CSMD1: variants seen among roughly 807,000 people sequenced by gnomAD.
CSMD1 encodes the protein CUB and Sushi multiple domains 1, also known as CUB and sushi domain-containing protein 1.
In CSMD1, 213 loss-of-function variants were observed where a neutral mutation model predicts 417.5. The observed-to-expected ratio is 0.51, with a 90% confidence interval of 0.46 to 0.57. The LOEUF (loss-of-function observed/expected upper bound fraction) is 0.57, where lower values mean the gene tolerates loss of function less well. CSMD1 is among the 20% of genes least tolerant of loss of function. The probability of loss-of-function intolerance (pLI) is 0.00; values close to 1 mark genes in which losing one functional copy is unlikely to be tolerated. For missense variants in CSMD1, 6,923 were observed against 4,529.7 expected (o/e 1.53, Z -15.17); for synonymous variants, 2,862 against 1,736.8 (o/e 1.65, Z -16.11).
At chr8:4,127,803 T>G (rs1017320256) in intron 3 of CSMD1, among the ~76,000 whole-genome samples, 2 of 152,204 alleles carry the variant, frequency 1.3e-5, no homozygotes, top group African/African-American at 4.8e-5. Flanking sequence ...GTAGATGGTA[T>G]TTGTACTATC....
At chr8:3,920,932 T>C (rs1292617596) in intron 5 of CSMD1, among the ~76,000 whole-genome samples, 1 of 152,134 alleles carries the variant, frequency 6.6e-6, no homozygotes, top group African/African-American at 2.4e-5. Flanking sequence ...CCTGTACATT[T>C]CTTTTATTGT....
At chr8:3,039,390 TC>T (rs1057248909) in intron 50 of CSMD1, among the ~76,000 whole-genome samples, 1 of 146,044 alleles carries the variant, frequency 6.8e-6, no homozygotes, top group Non-Finnish European at 1.5e-5. Flanking sequence ...CTTCCTTCCT[TC>T]CCCCTTCCCT....
chr8:3,991,684 A>G (rs1305319736), intron 5 of CSMD1, among the ~76,000 whole-genome samples: 4 of 152,182 alleles, frequency 2.6e-5, no homozygotes, highest in African/African-American at 7.2e-5. Context: ...AAGAAATTCT[A>G]GGATGAGAGT....
intron 3 of CSMD1, among the ~76,000 whole-genome samples, chr8:4,369,525 C>T (rs1320495890): frequency 2.6e-5 from 4 of 152,162 alleles, no homozygotes; most frequent in African/African-American, 9.7e-5. Context: ...ATTTGTCTAA[C>T]ACCGTCAGTG....
chr8:4,010,665 C>A (rs928446233), intron 4 of CSMD1, among the ~76,000 whole-genome samples: 15 of 152,114 alleles, frequency 9.9e-5, no homozygotes, highest in African/African-American at 3.4e-4. Flanking sequence ...ACTCATGGGA[C>A]CTAGAGTTCC....
chr8:4,755,095 G>C (rs951919876), intron 1 of CSMD1, among the ~76,000 whole-genome samples: 1 of 150,840 alleles, frequency 6.6e-6, no homozygotes, highest in Non-Finnish European at 1.5e-5. Context: ...CCGATATGGT[G>C]CCACTGCACT....
At chr8:4,303,469 C>A (rs1476431339) in intron 3 of CSMD1, among the ~76,000 whole-genome samples, 1 of 83,070 alleles carries the variant, frequency 1.2e-5, no homozygotes, top group Non-Finnish European at 2.2e-5. Context: ...GTTCTCTGTG[C>A]TGAGCTCATG....
chr8:3,431,631 T>G (rs1814222771), intron 12 of CSMD1, among the ~76,000 whole-genome samples: 1 of 152,134 alleles, frequency 6.6e-6, no homozygotes, highest in African/African-American at 2.4e-5. Flanking sequence ...AATAAACAAC[T>G]GACAAAACTT....
chr8:3,430,756 G>T (rs745309084), intron 12 of CSMD1, among the ~76,000 whole-genome samples: 1 of 152,164 alleles, frequency 6.6e-6, no homozygotes, highest in Non-Finnish European at 1.5e-5. Flanking sequence ...GCAGTGAGCA[G>T]CGATCATGGC....
At chr8:3,420,881 A>C (rs193296962) in intron 12 of CSMD1, among the ~76,000 whole-genome samples, 1 of 152,096 alleles carries the variant, frequency 6.6e-6, no homozygotes, top group Admixed American at 6.5e-5. Flanking sequence ...AATGCTTCCC[A>C]TGATTGAGAA....
chr8:4,098,284 G>C (rs1451980310), intron 3 of CSMD1, among the ~76,000 whole-genome samples: 1 of 152,006 alleles, frequency 6.6e-6, no homozygotes, highest in Non-Finnish European at 1.5e-5. Context: ...CAGAACAAAA[G>C]GCAAGTAATT....
intron 1 of CSMD1, among the ~76,000 whole-genome samples, chr8:4,655,460 T>A (rs950427959): frequency 2.6e-5 from 4 of 152,118 alleles, no homozygotes; most frequent in African/African-American, 7.3e-5. Context: ...AGACATGGAT[T>A]CTGGCTTATT....
rs886942925 is a variant in CSMD1, at chr8:4,143,939, A to G, written c.416-111840T>C. On this transcript the variant is annotated intron_variant, in intron 3 of 69. Transcript: ENST00000635120. ...GTGAATTGGCCCGTGTTGCAGATGA[A>G]GGGATGGCCAGTGCTTGGCCCATAG... is the stretch of plus-strand genomic sequence containing the variant. 4.0e-5 allele frequency among the ~76,000 whole-genome samples: 6 copies of G among 151,372 alleles called. 2 individuals carry two copies. The highest frequency in any genetic ancestry group is 1.5e-4 in the African/African-American group (6 of 40,702).
chr8:3,575,035 G>A lies in CSMD1; in HGVS notation c.1254C>T (p.Pro418=), dbSNP rs751428453. 5 of 1,613,460 alleles carry A rather than the reference G, an allele frequency of 3.1e-6. No individual in the cohort carries two copies. Among genetic ancestry groups the A allele is most frequent in the Non-Finnish European group, 4.2e-6 (5 of 1,179,710 alleles). Residue 418 remains proline (P), a synonymous_variant, in exon 10 of 70, where the codon CCC becomes CCT. Transcript: ENST00000635120. ...ARTCGSNLRG[P]SGVITSPNYP... ...AATTAGGGGAGGTAATGACGCCGCT[G>A]GGCCCACGCAGATTGGATCCACATG...
At chr8:3,981,975 T>C (rs1461788727) in intron 5 of CSMD1, among the ~76,000 whole-genome samples, 2 of 151,808 alleles carry the variant, frequency 1.3e-5, no homozygotes, top group East Asian at 1.9e-4. Flanking sequence ...ATTGAGACCA[T>C]CCTGGCTAAC....
intron 12 of CSMD1, among the ~76,000 whole-genome samples, chr8:3,463,367 T>G (rs892895858): frequency 3.9e-5 from 6 of 152,320 alleles, no homozygotes; most frequent in African/African-American, 1.4e-4. Context: ...AAATCCACCT[T>G]AGATATAAGG....
intron 5 of CSMD1, among the ~76,000 whole-genome samples, chr8:3,823,787 G>A (rs1002952673): frequency 2.0e-5 from 3 of 152,038 alleles, no homozygotes; most frequent in African/African-American, 7.2e-5. Context: ...GTCTTGGTCA[G>A]TTTAACATAA....
chr8:3,386,823 C>A (rs1243401791), intron 18 of CSMD1, among the ~76,000 whole-genome samples: 1 of 152,032 alleles, frequency 6.6e-6, no homozygotes, highest in African/African-American at 2.4e-5. Flanking sequence ...TGGTCAAGGG[C>A]AAAATACCCC....
intron 5 of CSMD1, among the ~76,000 whole-genome samples, chr8:3,919,076 G>C (rs947653865): frequency 1.3e-5 from 2 of 151,290 alleles, no homozygotes; most frequent in Non-Finnish European, 2.9e-5. Context: ...CCATTCCATA[G>C]GGTGATTTTT....
Sources: allele counts gnomAD v4.1 joint callset (sites outside exome capture counted in the v4.1 genomes callset), GRCh38; gene constraint gnomAD v4.1.1; transcripts MANE v1.5; gene names NCBI Gene and HGNC (gene_info 2026-07-23, HGNC 2026-07-21).